Variants in PRR16 observed in about 807,000 individuals in gnomAD.
PRR16 encodes proline rich 16.
A neutral mutation model predicts 18.2 loss-of-function variants in PRR16; 6 were observed. The ratio of observed to expected loss-of-function variants is 0.33; its 90% CI spans 0.18 to 0.65. PRR16 has a LOEUF of 0.65. Among genes scored for constraint, PRR16 ranks in the 30% least tolerant of loss-of-function variants. The pLI is 0.74. For missense variants in PRR16, 412 were observed against 376.6 expected, an observed-to-expected ratio of 1.09 and a Z score of -0.78; for synonymous variants, 151 against 147.8, an observed-to-expected ratio of 1.02 and a Z score of -0.16.
chr5:120,551,662 T>C (rs1271759521), intron 1 of PRR16, among the ~76,000 whole-genome samples: 6 of 151,990 alleles, frequency 3.9e-5, no homozygotes, highest in Non-Finnish European at 5.9e-5. Context: ...TGATCAGTGG[T>C]TAAGACCTGT....
chr5:120,589,478 G>A (rs1481902763), intron 1 of PRR16, among the ~76,000 whole-genome samples: 1 of 152,042 alleles, frequency 6.6e-6, no homozygotes, highest in Non-Finnish European at 1.5e-5. Context: ...CTTAGTATAA[G>A]GCTGTAGATT....
chr5:120,770,826 A>G, the PRR16 span, among the ~76,000 whole-genome samples: 11 of 151,904 alleles, frequency 7.2e-5, no homozygotes, highest in Non-Finnish European at 1.6e-4. Flanking sequence ...AATACTTTAT[A>G]ACAAAATTGA....
intron 1 of PRR16, among the ~76,000 whole-genome samples, chr5:120,650,267 A>G (rs1320901865): frequency 6.6e-6 from 1 of 151,800 alleles, no homozygotes; most frequent in African/African-American, 2.4e-5. Flanking sequence ...AAAAGAAAGA[A>G]TAAGAAATAA....
At chr5:120,606,897 C>T (rs144589565) in intron 1 of PRR16, among the ~76,000 whole-genome samples, 2,570 of 142,948 alleles carry the variant, frequency 0.018, 40 homozygotes, top group Non-Finnish European at 0.027. Flanking sequence ...AGAGCAAGAC[C>T]CTTTCTTAAA....
At chr5:120,701,427 T>C in the PRR16 span, among the ~76,000 whole-genome samples, 1 of 152,142 alleles carries the variant, frequency 6.6e-6, no homozygotes, top group African/African-American at 2.4e-5. Flanking sequence ...CTAAACGCTA[T>C]CCGATTTGGG....
intron 1 of PRR16, among the ~76,000 whole-genome samples, chr5:120,641,400 C>A (rs13356254): frequency 1.3e-5 from 2 of 152,000 alleles, no homozygotes; most frequent in African/African-American, 2.4e-5. Context: ...TATGTAAGTA[C>A]TGTATAGTTT....
At chr5:120,594,965 G>A (rs1432355872) in intron 1 of PRR16, among the ~76,000 whole-genome samples, 2 of 151,886 alleles carry the variant, frequency 1.3e-5, no homozygotes, top group Admixed American at 6.6e-5. Context: ...CCAAAAATGG[G>A]ATGAAGACTT....
intron 1 of PRR16, among the ~76,000 whole-genome samples, chr5:120,566,886 A>T (rs1224300034): frequency 6.6e-6 from 1 of 152,198 alleles, no homozygotes. Context: ...TTCTGTTTTT[A>T]GATTTCACTC....
chr5:120,707,098 T>C, the PRR16 span, among the ~76,000 whole-genome samples: 4 of 152,160 alleles, frequency 2.6e-5, no homozygotes, highest in African/African-American at 9.6e-5. Context: ...AAATCTACAA[T>C]TGAAGGGTTT....
the PRR16 span, among the ~76,000 whole-genome samples, chr5:120,761,589 CTT>C: frequency 6.6e-6 from 1 of 151,840 alleles, no homozygotes; most frequent in Non-Finnish European, 1.5e-5. Flanking sequence ...TTAGATTTAT[CTT>C]TTTTTATCAG....
At chr5:120,485,378 A>C (rs1749762378) in intron 1 of PRR16, among the ~76,000 whole-genome samples, 1 of 152,210 alleles carries the variant, frequency 6.6e-6, no homozygotes, top group East Asian at 1.9e-4. Flanking sequence ...ATATTATAAA[A>C]AGACCATATA....
At chr5:120,769,967 C>T in the PRR16 span, among the ~76,000 whole-genome samples, 8 of 151,968 alleles carry the variant, frequency 5.3e-5, no homozygotes, top group East Asian at 1.9e-4. Context: ...TGAGGTTGAG[C>T]GTCTTTTCTT....
At chr5:120,773,759 T>C in the PRR16 span, among the ~76,000 whole-genome samples, 2 of 151,954 alleles carry the variant, frequency 1.3e-5, no homozygotes, top group African/African-American at 4.8e-5. Context: ...GACAAGTAAA[T>C]GAGTACAGGG....
rs185123918 is a variant in PRR16, at chr5:120,500,028, C to A, written c.159+35383C>A. Among the ~76,000 whole-genome samples, 137 of 151,602 alleles carry A rather than the reference C, an allele frequency of 9.0e-4. 1 individual carries two copies. Among genetic ancestry groups the A allele is most frequent in the Middle Eastern group, 3.4e-3 (1 of 294 alleles). ...ACCTCCAGTCTCTATCCTTACTCAG[C>A]TTTTTCTGATACCATGCCAATGTGG... On this transcript the variant is annotated intron_variant, in intron 1 of 1. Transcript: ENST00000407149.
intron 1 of PRR16, among the ~76,000 whole-genome samples, chr5:120,637,658 G>T (rs1755283507): frequency 6.6e-6 from 1 of 151,970 alleles, no homozygotes; most frequent in African/African-American, 2.4e-5. Context: ...GAAGGGTGAG[G>T]GATGGCAAGA....
intron 1 of PRR16, among the ~76,000 whole-genome samples, chr5:120,520,182 T>A (rs964655917): frequency 1.1e-4 from 16 of 152,112 alleles, no homozygotes. Context: ...GATCACTTGA[T>A]GTCAGGCGTT....
At chr5:120,488,794 A>G (rs1749912188) in intron 1 of PRR16, among the ~76,000 whole-genome samples, 2 of 152,168 alleles carry the variant, frequency 1.3e-5, no homozygotes, top group South Asian at 4.2e-4. Context: ...TTAGTGCTAT[A>G]AATTTCCCTC....
intron 1 of PRR16, among the ~76,000 whole-genome samples, chr5:120,466,397 C>G (rs1235154306): frequency 6.6e-6 from 1 of 152,060 alleles, no homozygotes; most frequent in Non-Finnish European, 1.5e-5. Context: ...GGCACAGAAA[C>G]GTATTTACTG....
At chr5:120,676,933 C>T (rs538254122) in intron 1 of PRR16, among the ~76,000 whole-genome samples, 3 of 152,128 alleles carry the variant, frequency 2.0e-5, no homozygotes, top group Non-Finnish European at 2.9e-5. Flanking sequence ...TGTATAGATT[C>T]TTCTAAATAA....
Sources: allele counts gnomAD v4.1 joint callset (sites outside exome capture counted in the v4.1 genomes callset), GRCh38; gene constraint gnomAD v4.1.1; transcripts MANE v1.5; gene names NCBI Gene and HGNC (gene_info 2026-07-23, HGNC 2026-07-21).